Variants in ZBTB38 observed in about 807,000 individuals in gnomAD.
The protein encoded by ZBTB38 is zinc finger and BTB domain containing 38.
In ZBTB38, 20 loss-of-function variants were observed where a neutral mutation model predicts 76.8. The observed-to-expected ratio is 0.26, with a 90% CI of 0.18 to 0.38. The LOEUF is 0.38. Ranked by LOEUF, ZBTB38 falls within the 10% of genes least tolerant of loss-of-function variation. ZBTB38 has a pLI of 1.00. For synonymous variants in ZBTB38, 504 were observed against 544.2 expected (o/e 0.93, Z 1.03); for missense variants, 1,082 against 1,482.3 (o/e 0.73, Z 4.43).
intron 1 of ZBTB38, among the ~76,000 whole-genome samples, chr3:141,357,758 A>T (rs1943708424): frequency 6.6e-6 from 1 of 152,196 alleles, no homozygotes; most frequent in African/African-American, 2.4e-5. Context: ...AAGTGCTGGG[A>T]TTACAGCATG....
At chr3:141,349,993 T>C (rs1022136399) in intron 1 of ZBTB38, among the ~76,000 whole-genome samples, 4 of 152,070 alleles carry the variant, frequency 2.6e-5, no homozygotes, top group African/African-American at 9.7e-5. Context: ...AGAATATAAA[T>C]TCAAAGAAAT....
chr3:141,448,520 G>A lies in ZBTB38; in HGVS notation c.*2544G>A, dbSNP rs556077093. 2 of 152,656 alleles carry A rather than the reference G, an allele frequency of 1.3e-5. No homozygotes were observed. Among genetic ancestry groups the A allele is most frequent in the African/African-American group, 4.8e-5 (2 of 41,554 alleles). The allele number at this position is 152,656 out of a possible 1,614,324, so 9.5% of individuals were successfully genotyped here. ...ACATGACCAACTAGAATTAAAGTAAGTGTAAACAGTGAACATACTGTATGC... is the reference window on the plus strand; with the variant it reads ...ACATGACCAACTAGAATTAAAGTAAATGTAAACAGTGAACATACTGTATGC... On this transcript the variant is annotated 3_prime_UTR_variant, in exon 6 of 6. Transcript: ENST00000321464.
chr3:141,418,411 G>C (rs1350667480), intron 5 of ZBTB38, among the ~76,000 whole-genome samples: 1 of 152,032 alleles, frequency 6.6e-6, no homozygotes, highest in East Asian at 1.9e-4. Flanking sequence ...CTTCAAGAGC[G>C]AGCCCCCCCT....
At chr3:141,343,482 G>A (rs141274623) in intron 1 of ZBTB38, among the ~76,000 whole-genome samples, 1 of 152,132 alleles carries the variant, frequency 6.6e-6, no homozygotes, top group African/African-American at 2.4e-5. Context: ...CTGAGCAAAT[G>A]GGATCAAACA....
rs752917721 is a variant in ZBTB38 at position 141,400,253 on chromosome 3, T to C, written c.-105-3674T>C. Reference sequence around the variant, plus strand: ...ATTATGTAATTTTTAGACTGTGTTGTTTAAAACTGTTGCTGTGATATTTTA... The same window carrying C: ...ATTATGTAATTTTTAGACTGTGTTGCTTAAAACTGTTGCTGTGATATTTTA... On this transcript the variant is annotated intron_variant, in intron 4 of 5. Coordinates refer to ENST00000321464, the MANE Select transcript of ZBTB38 (RefSeq NM_001376113.1). Among the ~76,000 whole-genome samples, 92 of 152,196 alleles carry C rather than the reference T, an allele frequency of 6.0e-4. 3 individuals are homozygous for C. Among genetic ancestry groups the C allele is most frequent in the Non-Finnish European group, 2.4e-4 (16 of 68,024 alleles).
chr3:141,399,784 G>A lies in ZBTB38; in HGVS notation c.-105-4143G>A, dbSNP rs536196054. ...CCTTAAAGAGAAGACGTTAGTAAGT[G>A]TTAAACTGGCCAAGAGTCCTAGTCA... On this transcript the variant is annotated intron_variant, in intron 4 of 5. Transcript: ENST00000321464. Among the ~76,000 whole-genome samples, 4 of 152,266 alleles carry A rather than the reference G, an allele frequency of 2.6e-5. No individual in the cohort carries two copies. The South Asian group carries it at 6.2e-4, about 24-fold the overall frequency.
At chr3:141,441,032 C>CAA (rs202075469) in intron 5 of ZBTB38, among the ~76,000 whole-genome samples, 82 of 64,566 alleles carry the variant, frequency 1.3e-3, no homozygotes, top group African/African-American at 3.2e-3. Flanking sequence ...GACTCAATCT[C>CAA]AAAAAAAAAA....
At chr3:141,366,264 AATC>A (rs1489453654), upstream of ZBTB38, 1 of 152,220 alleles carries the variant, frequency 6.6e-6, no homozygotes, top group African/African-American at 2.4e-5. Flanking sequence ...GTGAAGAAAT[AATC>A]AGCCTCTGTT....
At position 141,350,782 on chromosome 3, in the gene ZBTB38, G is replaced by A. The variant is rs115550792; in HGVS notation, c.-738-17839G>A. ...TTGTTCCAATGCCTTCTAGCATCAAGTGTTGCTAAGAAAAGTTCTGATAAA... is the reference window on the plus strand; with the variant it reads ...TTGTTCCAATGCCTTCTAGCATCAAATGTTGCTAAGAAAAGTTCTGATAAA... On this transcript the variant is annotated intron_variant, in intron 1 of 7. Transcript: ENST00000509842. Among the ~76,000 whole-genome samples, 664 of 152,244 alleles carry A rather than the reference G, an allele frequency of 4.4e-3. 5 individuals carry two copies. Among genetic ancestry groups the A allele is most frequent in the African/African-American group, 0.013 (549 of 41,540 alleles).
At position 141,350,399 on chromosome 3, in the gene ZBTB38, G is replaced by C. The variant is rs189566657; in HGVS notation, c.-738-18222G>C. Among the ~76,000 whole-genome samples the C allele has an allele frequency of 6.1e-4, 93 of 152,196 alleles. 2 individuals carry two copies. The highest frequency in any genetic ancestry group is 3.6e-3 in the Admixed American group (55 of 15,278). ...CTTTTGGTTTTTTTCACTGGAGTTT[G>C]TATTTGCCTTTCTGAGCATCTTTGT... On this transcript the variant is annotated intron_variant, in intron 1 of 7. Coordinates refer to the ZBTB38 transcript ENST00000509842.
At chr3:141,342,999 G>A (rs137958403) in intron 1 of ZBTB38, among the ~76,000 whole-genome samples, 107 of 152,196 alleles carry the variant, frequency 7.0e-4, no homozygotes, top group African/African-American at 2.5e-3. Flanking sequence ...TCTCCATTGA[G>A]ATCAAATGTC....
chr3:141,383,991 G>A (rs6763931), intron 3 of ZBTB38, among the ~76,000 whole-genome samples: 80,896 of 152,120 alleles, frequency 0.53, 24,013 homozygotes, highest in African/African-American at 0.82. Context: ...TTCAGGCATG[G>A]GCATGGTTTT....
At chr3:141,415,727 C>T (rs73872717) in intron 5 of ZBTB38, among the ~76,000 whole-genome samples, 8,473 of 152,140 alleles carry the variant, frequency 0.056, 323 homozygotes, top group African/African-American at 0.11. Flanking sequence ...CTTTTAAGCC[C>T]TGCTGTAGAA....
chr3:141,421,019 A>C (rs1367085307), intron 5 of ZBTB38, among the ~76,000 whole-genome samples: 3 of 101,284 alleles, frequency 3.0e-5, no homozygotes, highest in African/African-American at 2.0e-4. Flanking sequence ...AAGTTCAGGA[A>C]AAAAAAAAAA....
chr3:141,325,865 A>G (rs1459342510), intron 1 of ZBTB38, among the ~76,000 whole-genome samples: 1 of 152,200 alleles, frequency 6.6e-6, no homozygotes, highest in Non-Finnish European at 1.5e-5. Flanking sequence ...GGTTGTTCCT[A>G]AAGTTATAAT....
intron 5 of ZBTB38, among the ~76,000 whole-genome samples, chr3:141,438,878 C>A (rs1051057264): frequency 6.6e-6 from 1 of 152,094 alleles, no homozygotes; most frequent in Non-Finnish European, 1.5e-5. Flanking sequence ...CACATAGACG[C>A]TGTCGACTGG....
intron 5 of ZBTB38, among the ~76,000 whole-genome samples, chr3:141,439,060 C>T (rs188496877): frequency 1.3e-5 from 2 of 151,880 alleles, no homozygotes; most frequent in African/African-American, 2.4e-5. Flanking sequence ...TCCAGGGCCT[C>T]TGTAAATAAT....
At chr3:141,381,742 C>T (rs1946226713) in intron 3 of ZBTB38, among the ~76,000 whole-genome samples, 1 of 152,154 alleles carries the variant, frequency 6.6e-6, no homozygotes, top group African/African-American at 2.4e-5. Flanking sequence ...GCAAATGAAG[C>T]AGGATAGTCA....
At position 141,332,961 on chromosome 3, in the gene ZBTB38, A is replaced by G. The variant is rs548389294; in HGVS notation, c.-739+8505A>G. On this transcript the variant is annotated intron_variant, in intron 1 of 7. Transcript: ENST00000509842. ...AAGTGTGGGCATTTTACATGGCACC[A>G]GGAAAAAAATACCTGTCCTGTAGAA... Among the ~76,000 whole-genome samples the G allele has an allele frequency of 6.6e-5, 10 of 152,354 alleles. No individual in the cohort carries two copies. In the South Asian group the frequency reaches 2.1e-3, roughly 32 times the overall value.
Sources: allele counts gnomAD v4.1 joint callset (sites outside exome capture counted in the v4.1 genomes callset), GRCh38; gene constraint gnomAD v4.1.1; transcripts MANE v1.5; gene names NCBI Gene and HGNC (gene_info 2026-07-23, HGNC 2026-07-21).